UTRN: variants seen among roughly 807,000 people sequenced by gnomAD.
UTRN encodes dystrophin-related protein 1.
Under a neutral mutation model 463.9 loss-of-function variants are expected in UTRN, and 283 were observed. That is an observed-to-expected ratio of 0.61 (90% CI 0.55 to 0.67). The LOEUF (loss-of-function observed/expected upper bound fraction) is 0.67. Among genes scored for constraint, UTRN ranks in the 30% least tolerant of loss-of-function variants. The probability of loss-of-function intolerance (pLI) is 0.00; values close to 1 mark genes in which losing one functional copy is unlikely to be tolerated. For missense variants in UTRN, 3,922 were observed against 4,084.3 expected (o/e 0.96, Z 1.08); for synonymous variants, 1,442 against 1,431.5 (o/e 1.01, Z -0.17).
At chr6:144,659,203 T>G (rs945091473) in intron 51 of UTRN, among the ~76,000 whole-genome samples, 1 of 152,138 alleles carries the variant, frequency 6.6e-6, no homozygotes, top group Non-Finnish European at 1.5e-5. Context: ...CCATTCAAGA[T>G]TGAGACAATG....
chr6:144,386,958 G>A (rs1781476828), intron 2 of UTRN, among the ~76,000 whole-genome samples: 1 of 151,882 alleles, frequency 6.6e-6, no homozygotes, highest in Non-Finnish European at 1.5e-5. Flanking sequence ...ATTTATAGTA[G>A]TAGTTGGCAT....
At chr6:144,561,258 T>TATATACACACAC (rs1562576053) in intron 50 of UTRN, among the ~76,000 whole-genome samples, 2 of 78,814 alleles carry the variant, frequency 2.5e-5, no homozygotes, top group South Asian at 7.4e-4. Flanking sequence ...TATATATATA[T>TATATACACACAC]ATACATACAC....
chr6:144,608,023 G>A (rs56039703), intron 51 of UTRN, among the ~76,000 whole-genome samples: 23,976 of 152,100 alleles, frequency 0.16, 2,127 homozygotes, highest in South Asian at 0.28. Context: ...CCACACTAAT[G>A]TGATTGTTAA....
At chr6:144,671,179 A>T (rs1780982922) in intron 51 of UTRN, among the ~76,000 whole-genome samples, 1 of 151,304 alleles carries the variant, frequency 6.6e-6, no homozygotes, top group African/African-American at 2.4e-5. Context: ...ATGAAGAATG[A>T]TGATAGTATT....
At chr6:144,761,519 C>G (rs905463746) in intron 58 of UTRN, among the ~76,000 whole-genome samples, 1 of 151,860 alleles carries the variant, frequency 6.6e-6, no homozygotes, top group East Asian at 1.9e-4. Flanking sequence ...TGGTAACATG[C>G]GCCTATAGTC....
At chr6:144,834,000 G>GTCCT (rs1242852191) in intron 69 of UTRN, among the ~76,000 whole-genome samples, 21 of 152,058 alleles carry the variant, frequency 1.4e-4, no homozygotes, top group Non-Finnish European at 2.4e-4. Flanking sequence ...TCTTCTTCTC[G>GTCCT]TCCTTCTAAA....
chr6:144,690,072 C>CTATTTTTTTTTTTTTTTTTTTTTTTTTT (rs1428641511), intron 52 of UTRN, among the ~76,000 whole-genome samples: 1 of 35,662 alleles, frequency 2.8e-5, no homozygotes. Context: ...CCAAAAGTTT[C>CTATTTTTTTTTTTTTTTTTTTTTTTTTT]TGTTTTTTTT....
At chr6:144,368,419 A>G (rs552806934) in intron 2 of UTRN, among the ~76,000 whole-genome samples, 1 of 152,324 alleles carries the variant, frequency 6.6e-6, no homozygotes, top group Admixed American at 6.5e-5. Flanking sequence ...TAATTTTTAT[A>G]TGCTAGATTC....
rs1793010284 is a variant in UTRN at position 144,491,005 on chromosome 6, G to A, written c.4340G>A (p.Cys1447Tyr). ...PANFEQRMLD[C>Y]KRVLDGVKAE... ...AACTTCGAGCAGCGCATGCTGGACT[G>A]CAAGCGTGTGCTGGATGGCGTGAAA... The change falls in exon 32 of 75, where the codon TGC becomes TAC. Residue 1447 changes from cysteine to tyrosine, a missense_variant. Cys to Tyr is a radical substitution (Grantham distance 194, BLOSUM62 -2). Transcript: ENST00000367545. The A allele has an allele frequency of 6.2e-7, 1 of 1,614,086 alleles. No homozygotes were observed. The highest frequency in any genetic ancestry group is 8.5e-7 in the Non-Finnish European group (1 of 1,179,978).
chr6:144,288,391 T>A (rs1216317696), intron 1 of UTRN, among the ~76,000 whole-genome samples: 3 of 152,194 alleles, frequency 2.0e-5, no homozygotes, highest in Non-Finnish European at 4.4e-5. Flanking sequence ...TTGGGTAGCA[T>A]AGAAGTGGAG....
At chr6:144,595,757 A>G (rs1242189656) in intron 51 of UTRN, among the ~76,000 whole-genome samples, 1 of 152,186 alleles carries the variant, frequency 6.6e-6, no homozygotes, top group East Asian at 1.9e-4. Context: ...AAGAAGGAAG[A>G]TCTTTCTTGA....
At chr6:144,752,866 T>G (rs775378898) in intron 56 of UTRN, among the ~76,000 whole-genome samples, 1 of 152,214 alleles carries the variant, frequency 6.6e-6, no homozygotes, top group Non-Finnish European at 1.5e-5. Context: ...GAATATGTTA[T>G]ACTTGAAAGA....
intron 41 of UTRN, among the ~76,000 whole-genome samples, chr6:144,524,822 G>A (rs1035995952): frequency 6.6e-6 from 1 of 152,054 alleles, no homozygotes; most frequent in Non-Finnish European, 1.5e-5. Flanking sequence ...TGTTGGCTAT[G>A]GGCTAAAAGT....
intron 6 of UTRN, among the ~76,000 whole-genome samples, chr6:144,424,677 T>C (rs1277237003): frequency 6.6e-6 from 1 of 152,184 alleles, no homozygotes; most frequent in Non-Finnish European, 1.5e-5. Flanking sequence ...AGGGACATAA[T>C]TTCACATCTA....
chr6:144,446,402 T>C (rs1313359685), intron 14 of UTRN, among the ~76,000 whole-genome samples: 6 of 152,238 alleles, frequency 3.9e-5, no homozygotes, highest in South Asian at 2.1e-4. Context: ...AGTTGTTAAA[T>C]ATTTAATTCA....
chr6:144,495,614 C>A (rs1793565617), intron 33 of UTRN, among the ~76,000 whole-genome samples: 1 of 152,220 alleles, frequency 6.6e-6, no homozygotes, highest in South Asian at 2.1e-4. Flanking sequence ...GGCTGAAGAG[C>A]TCCTCAAGTG....
chr6:144,405,516 G>T (rs552119668), intron 3 of UTRN, among the ~76,000 whole-genome samples: 1 of 151,880 alleles, frequency 6.6e-6, no homozygotes, highest in South Asian at 2.1e-4. Flanking sequence ...TGAAGGGAAC[G>T]AATTTTTTTT....
intron 54 of UTRN, among the ~76,000 whole-genome samples, chr6:144,740,505 C>T (rs1789928930): frequency 6.6e-6 from 1 of 152,064 alleles, no homozygotes; most frequent in Non-Finnish European, 1.5e-5. Context: ...CTATAGACCA[C>T]GACAATAATT....
chr6:144,408,017 T>C (rs1170520920), intron 3 of UTRN, among the ~76,000 whole-genome samples: 1 of 152,230 alleles, frequency 6.6e-6, no homozygotes, highest in Non-Finnish European at 1.5e-5. Context: ...GATCACCTGG[T>C]CTACATTTCC....
Sources: gnomAD v4.1 joint callset for allele counts (sites outside exome capture counted in the v4.1 genomes callset) on GRCh38, gnomAD v4.1.1 for gene constraint, MANE v1.5 for transcripts, NCBI Gene and HGNC (gene_info 2026-07-23, HGNC 2026-07-21) for gene names.